Variants in SNX14 observed in about 807,000 individuals in gnomAD.
SNX14 encodes sorting nexin 14, also known as sorting nexin-14.
SNX14 carries 93 observed loss-of-function variants against 133.8 expected under a neutral mutation model. The ratio of observed to expected loss-of-function variants is 0.70; its 90% confidence interval spans 0.59 to 0.83. SNX14 has a LOEUF of 0.83. SNX14 is among the 40% of genes least tolerant of loss of function. SNX14 has a pLI of 0.00. For synonymous variants in SNX14, 368 were observed against 365.6 expected, an observed-to-expected ratio of 1.01 and a Z score of -0.07; for missense variants, 945 against 1,094.9, an observed-to-expected ratio of 0.86 and a Z score of 1.93.
At chr6:85,577,475 G>C (rs879925846) in intron 1 of SNX14, among the ~76,000 whole-genome samples, 5 of 151,896 alleles carry the variant, frequency 3.3e-5, no homozygotes, top group African/African-American at 1.2e-4. Context: ...TTCTCTTTGG[G>C]CATGTTAAGT....
At chr6:85,586,015 C>G (rs1800727888) in intron 1 of SNX14, among the ~76,000 whole-genome samples, 1 of 149,118 alleles carries the variant, frequency 6.7e-6, no homozygotes, top group Non-Finnish European at 1.5e-5. Flanking sequence ...AAAACTAAAT[C>G]TAATTGAGCC....
At chr6:85,546,034 T>C (rs1325148534) in intron 12 of SNX14, among the ~76,000 whole-genome samples, 6 of 152,194 alleles carry the variant, frequency 3.9e-5, no homozygotes, top group Non-Finnish European at 8.8e-5. Context: ...AGCATTATCC[T>C]GAGTGAAGGA....
intron 17 of SNX14, among the ~76,000 whole-genome samples, chr6:85,536,160 G>C (rs1056873816): frequency 1.3e-5 from 2 of 152,114 alleles, no homozygotes; most frequent in Non-Finnish European, 2.9e-5. Flanking sequence ...AGGTTTATGG[G>C]GAACAGTTGC....
At chr6:85,574,636 A>G (rs548333167) in intron 1 of SNX14, among the ~76,000 whole-genome samples, 2 of 152,242 alleles carry the variant, frequency 1.3e-5, no homozygotes, top group South Asian at 2.1e-4. Flanking sequence ...TAACTAGTCT[A>G]TACTACATTC....
chr6:85,593,524 G>A, intron 1 of SNX14, 55 bp downstream of exon 1: 2 of 1,558,210 alleles, frequency 1.3e-6, no homozygotes, highest in East Asian at 2.3e-5. Flanking sequence ...GCACGGGCCG[G>A]GCGTCTGCAC....
chr6:85,590,315 T>A (rs1008445247), intron 1 of SNX14, among the ~76,000 whole-genome samples: 1 of 152,170 alleles, frequency 6.6e-6, no homozygotes, highest in Non-Finnish European at 1.5e-5. Context: ...GGTGCTCATT[T>A]CTCTTCCTTA....
intron 5 of SNX14, among the ~76,000 whole-genome samples, chr6:85,566,050 A>G (rs1793706354): frequency 6.6e-6 from 1 of 152,246 alleles, no homozygotes; most frequent in Non-Finnish European, 1.5e-5. Context: ...TTGGCAGAAT[A>G]GGAAAGATAA....
In SNX14 at chr6:85,525,941, C is replaced by T. The variant is rs530173482; in HGVS notation, c.2107+185G>A. ...TGTGATGACAAATGGCTAGAAGTGA[C>T]TGCTTAAATAATCAGAACTCAAAAT... On this transcript the variant is annotated intron_variant, in intron 21 of 28. Transcript: ENST00000314673. 1.1e-3 allele frequency among the ~76,000 whole-genome samples: 168 copies of T among 152,196 alleles called. 2 individuals carry two copies. Among genetic ancestry groups the T allele is most frequent in the Non-Finnish European group, 8.8e-4 (60 of 67,972 alleles).
At chr6:85,520,516 C>T (rs1776539464) in intron 21 of SNX14, among the ~76,000 whole-genome samples, 2 of 151,934 alleles carry the variant, frequency 1.3e-5, no homozygotes, top group South Asian at 4.2e-4. Flanking sequence ...CACCACCATG[C>T]CCAGCTAATT....
chr6:85,571,553 G>A (rs1002441322), intron 4 of SNX14, among the ~76,000 whole-genome samples: 1 of 152,146 alleles, frequency 6.6e-6, no homozygotes, highest in Admixed American at 6.5e-5. Context: ...GATACTTGGT[G>A]CTAGGAACAA....
intron 26 of SNX14, among the ~76,000 whole-genome samples, chr6:85,512,295 T>C (rs1773152585): frequency 6.6e-6 from 1 of 152,148 alleles, no homozygotes; most frequent in Admixed American, 6.5e-5. Context: ...CTGTGGGATC[T>C]TGGTCAAGGC....
intron 21 of SNX14, 90 bp from the exon 22 acceptor site, chr6:85,518,138 G>A (rs757084139): frequency 1.8e-5 from 19 of 1,049,708 alleles, no homozygotes; most frequent in Middle Eastern, 3.2e-4. Context: ...TTTTAAATAC[G>A]AAATAGCCAA....
chr6:85,548,401 G>A, intron 8 of SNX14, 25 bp from the exon 9 acceptor site: 1 of 1,497,688 alleles, frequency 6.7e-7, no homozygotes, highest in Non-Finnish European at 9.1e-7. Context: ...AATAATAATT[G>A]TTTATATTTA....
At chr6:85,572,039 A>AC (rs1795782744) in intron 4 of SNX14, 98 bp downstream of exon 4, 5 of 962,902 alleles carry the variant, frequency 5.2e-6, no homozygotes, top group Non-Finnish European at 7.9e-6. Context: ...GACATGTATT[A>AC]AGATGCTCCA....
At chr6:85,568,108 T>G (rs548915868) in intron 4 of SNX14, 1 of 152,228 alleles carries the variant, frequency 6.6e-6, no homozygotes, top group East Asian at 1.9e-4. Flanking sequence ...TCATAAAAAT[T>G]CCACAAATAG....
At chr6:85,522,453 A>G (rs1256167670) in intron 21 of SNX14, among the ~76,000 whole-genome samples, 1 of 152,240 alleles carries the variant, frequency 6.6e-6, no homozygotes, top group African/African-American at 2.4e-5. Context: ...TATTATAGCT[A>G]GAAATCAACT....
At chr6:85,541,376 TTA>T (rs1783705066) in intron 15 of SNX14, among the ~76,000 whole-genome samples, 1 of 152,240 alleles carries the variant, frequency 6.6e-6, no homozygotes, top group Admixed American at 6.5e-5. Flanking sequence ...TTCATATATT[TTA>T]TGTCTACATT....
At chr6:85,587,670 C>T (rs1462111652) in intron 1 of SNX14, among the ~76,000 whole-genome samples, 1 of 152,072 alleles carries the variant, frequency 6.6e-6, no homozygotes, top group African/African-American at 2.4e-5. Context: ...CCATGTTGCC[C>T]AGGCTGGTCT....
chr6:85,522,275 G>T (rs1235032531), intron 21 of SNX14, among the ~76,000 whole-genome samples: 1 of 152,128 alleles, frequency 6.6e-6, no homozygotes. Flanking sequence ...TCTGTTCCAT[G>T]GGTCTACTGA....
Sources: gnomAD v4.1 joint callset for allele counts (sites outside exome capture counted in the v4.1 genomes callset) on GRCh38, gnomAD v4.1.1 for gene constraint, MANE v1.5 for transcripts, NCBI Gene and HGNC (gene_info 2026-07-23, HGNC 2026-07-21) for gene names.